The following UGT2A2 variants were observed in gnomAD, a reference collection of about 807,000 sequenced individuals.
UGT2A2 encodes UDP-glucuronosyltransferase 2A2.
In UGT2A2, 60 loss-of-function variants were observed where a neutral mutation model predicts 50.7. The ratio of observed to expected loss-of-function variants is 1.18; its 90% CI spans 0.96 to 1.47. UGT2A2 has a LOEUF of 1.47. Ranked by LOEUF, UGT2A2 falls within the 40% of genes most tolerant of loss-of-function variation. The pLI, the probability that UGT2A2 is intolerant of heterozygous loss-of-function variation, is 0.00. For synonymous variants in UGT2A2, 242 were observed against 214.6 expected (o/e 1.13, Z -1.11); for missense variants, 762 against 634.0 (o/e 1.20, Z -2.17).
rs557370140 is a variant in UGT2A2, at chr4:69,595,095, G to T, written c.1111+67C>A. ...TATTAAAAATGTATTGAATTTATTT[G>T]CTATTAAACAGTTACTTAACTTGTC... On this transcript the variant is annotated intron_variant, in intron 4 of 5. Transcript: ENST00000604629. The T allele has an allele frequency of 6.5e-6, 10 of 1,548,636 alleles. No homozygotes were observed. In the East Asian group the frequency reaches 1.8e-4, roughly 28 times the overall value.
intron 1 of UGT2A2, among the ~76,000 whole-genome samples, chr4:69,614,295 C>T (rs993872211): frequency 6.6e-5 from 10 of 151,748 alleles, no homozygotes; most frequent in African/African-American, 2.4e-4. Context: ...ATGAAAACTA[C>T]AAAATATGGA....
chr4:69,612,484 A>T (rs1428948916), intron 1 of UGT2A2, among the ~76,000 whole-genome samples: 2 of 152,046 alleles, frequency 1.3e-5, no homozygotes, highest in Non-Finnish European at 2.9e-5. Flanking sequence ...CCAACTTCAA[A>T]CTATAAGACT....
At chr4:69,606,050 G>A (rs879646934) in intron 1 of UGT2A2, among the ~76,000 whole-genome samples, 1 of 136,586 alleles carries the variant, frequency 7.3e-6, no homozygotes, top group Non-Finnish European at 1.6e-5. Flanking sequence ...AGAAAAAGAG[G>A]GAATCCTCCT....
intron 2 of UGT2A2, among the ~76,000 whole-genome samples, chr4:69,597,625 G>A (rs1380614264): frequency 6.6e-6 from 1 of 152,142 alleles, no homozygotes; most frequent in Non-Finnish European, 1.5e-5. Context: ...TTTTGGCTTA[G>A]TTAATGTCAG....
At chr4:69,633,035 G>C (rs1577993949) in intron 1 of UGT2A2, among the ~76,000 whole-genome samples, 1 of 152,214 alleles carries the variant, frequency 6.6e-6, no homozygotes, top group Middle Eastern at 3.4e-3. Context: ...AGAGGATGTA[G>C]TAAAAAGTCC....
intron 5 of UGT2A2, among the ~76,000 whole-genome samples, chr4:69,591,393 G>T (rs1453413067): frequency 6.6e-6 from 1 of 152,124 alleles, no homozygotes; most frequent in Non-Finnish European, 1.5e-5. Flanking sequence ...AACATATTCT[G>T]GTTGACAATT....
At chr4:69,610,751 C>A (rs950389758) in intron 1 of UGT2A2, among the ~76,000 whole-genome samples, 1 of 152,048 alleles carries the variant, frequency 6.6e-6, no homozygotes, top group South Asian at 2.1e-4. Context: ...AAGATGGTGG[C>A]CATAAAAACT....
intron 1 of UGT2A2, among the ~76,000 whole-genome samples, chr4:69,613,776 T>A (rs1004629059): frequency 6.6e-6 from 1 of 151,974 alleles, no homozygotes; most frequent in Non-Finnish European, 1.5e-5. Context: ...CATTAACATC[T>A]CTTCATGATT....
chr4:69,600,472 GA>G (rs1187393591), intron 1 of UGT2A2, among the ~76,000 whole-genome samples: 1 of 152,186 alleles, frequency 6.6e-6, no homozygotes, highest in Non-Finnish European at 1.5e-5. Flanking sequence ...CAGAATTGAG[GA>G]ATGAGTAGGA....
intron 1 of UGT2A2, among the ~76,000 whole-genome samples, chr4:69,625,165 CT>C (rs79203266): frequency 0.35 from 52,656 of 149,412 alleles, 9,606 homozygotes; most frequent in African/African-American, 0.43. Flanking sequence ...TGTTTTCATT[CT>C]TTTTTTTTCT....
intron 1 of UGT2A2, among the ~76,000 whole-genome samples, chr4:69,600,757 C>A (rs1232717265): frequency 6.6e-6 from 1 of 151,474 alleles, no homozygotes; most frequent in Admixed American, 6.6e-5. Context: ...GGTTGTTTTG[C>A]ATGATGGGAG....
At chr4:69,594,164 CAG>C (rs1384616002) in intron 5 of UGT2A2, among the ~76,000 whole-genome samples, 1 of 151,762 alleles carries the variant, frequency 6.6e-6, no homozygotes, top group Non-Finnish European at 1.5e-5. Context: ...TTAGTAGAGA[CAG>C]GGTTTCACCG....
At chr4:69,612,341 AC>A (rs541036087) in intron 1 of UGT2A2, among the ~76,000 whole-genome samples, 51 of 152,256 alleles carry the variant, frequency 3.3e-4, no homozygotes, top group African/African-American at 1.2e-3. Flanking sequence ...AGTAATTTAC[AC>A]ATTCAATGAC....
chr4:69,637,934 GGAAGGAAGGAAA>G (rs1324694487), intron 1 of UGT2A2, among the ~76,000 whole-genome samples: 1 of 138,966 alleles, frequency 7.2e-6, no homozygotes, highest in African/African-American at 2.7e-5. Flanking sequence ...CAGGCAGGAA[GGAAGGAAGGAAA>G]GAAGGAAGGA....
intron 1 of UGT2A2, among the ~76,000 whole-genome samples, chr4:69,613,776 T>C (rs1004629059): frequency 6.6e-6 from 1 of 151,974 alleles, no homozygotes; most frequent in Admixed American, 6.6e-5. Context: ...CATTAACATC[T>C]CTTCATGATT....
chr4:69,594,619 T>G lies in UGT2A2; in HGVS notation c.1189A>C (p.Met397Leu). The G allele has an allele frequency of 6.2e-7, 1 of 1,614,112 alleles. No homozygotes were observed. The highest frequency in any genetic ancestry group is 8.5e-7 in the Non-Finnish European group (1 of 1,180,012). Residue 397 changes from methionine to leucine, a missense_variant, in exon 5 of 6, where the codon ATG becomes CTG. Physicochemically the swap from Met to Leu is conservative, Grantham distance 15. Transcript: ENST00000604629. The stretch of plus-strand genomic sequence containing the variant: ...TCAGCAAACATGGGAACTCCCACCA[T>G]AGGGACTCCGTGGTAAATAGCTTCG... The part of the protein sequence containing the change: ...IYEAIYHGVP[M>L]VGVPMFADQP...
At chr4:69,616,383 A>T (rs1720386841) in intron 1 of UGT2A2, among the ~76,000 whole-genome samples, 1 of 152,004 alleles carries the variant, frequency 6.6e-6, no homozygotes, top group African/African-American at 2.4e-5. Flanking sequence ...GTGGAATTGG[A>T]ATTTTCCTAA....
intron 1 of UGT2A2, among the ~76,000 whole-genome samples, chr4:69,637,592 A>T (rs1434307283): frequency 6.6e-6 from 1 of 152,040 alleles, no homozygotes; most frequent in African/African-American, 2.4e-5. Flanking sequence ...TCATTCTTTC[A>T]TTTGATACTT....
chr4:69,624,120 C>T (rs1303772086), intron 1 of UGT2A2, among the ~76,000 whole-genome samples: 2 of 151,518 alleles, frequency 1.3e-5, no homozygotes, highest in African/African-American at 4.8e-5. Context: ...CTGTCTATTT[C>T]TCCTTTAATT....
Sources: gnomAD v4.1 joint callset for allele counts (sites outside exome capture counted in the v4.1 genomes callset) on GRCh38, gnomAD v4.1.1 for gene constraint, MANE v1.5 for transcripts, NCBI Gene and HGNC (gene_info 2026-07-23, HGNC 2026-07-21) for gene names.